Variants in VWA8 observed in about 807,000 individuals in gnomAD.
The protein encoded by VWA8 is von Willebrand factor A domain containing 8.
In VWA8, 221 loss-of-function variants were observed where a neutral mutation model predicts 241.5. The ratio of observed to expected loss-of-function variants is 0.91; its 90% CI spans 0.82 to 1.02. The LOEUF is 1.02. Ranked by LOEUF, VWA8 falls within the 50% of genes least tolerant of loss-of-function variation. The pLI, the probability that VWA8 is intolerant of heterozygous loss-of-function variation, is 0.00. For missense variants in VWA8, 2,322 were observed against 2,328.7 expected, an observed-to-expected ratio of 1.00 and a Z score of 0.06; for synonymous variants, 852 against 827.1, an observed-to-expected ratio of 1.03 and a Z score of -0.52.
In VWA8 at chr13:41,729,599, T is replaced by A; in HGVS notation, c.2581A>T (p.Lys861Ter). The change falls in exon 23 of 45, where the codon AAA (lysine) becomes TAA (stop). Residue 861 changes from lysine (K) to a stop codon, truncating the protein, a stop_gained. Coordinates refer to ENST00000379310, the MANE Select transcript of VWA8 (RefSeq NM_015058.2). LOFTEE classifies it high-confidence loss of function. Reference sequence around the variant, plus strand: ...ATTTCTCCATTTTCTACTAGAGTTTTTAAAATACACGTGACATTTGTTGGA... The same window carrying A: ...ATTTCTCCATTTTCTACTAGAGTTTATAAAATACACGTGACATTTGTTGGA... Reference protein sequence around the residue: ...KAPTNVTCILKTLVENGEMIL... With the variant: ...KAPTNVTCIL The A allele has an allele frequency of 6.2e-7, 1 of 1,613,328 alleles. No individual in the cohort carries two copies. Among genetic ancestry groups the A allele is most frequent in the Non-Finnish European group, 8.5e-7 (1 of 1,179,554 alleles).
intron 37 of VWA8, among the ~76,000 whole-genome samples, chr13:41,669,054 A>G (rs12863698): frequency 0.019 from 2,922 of 152,022 alleles, 33 homozygotes; most frequent in South Asian, 0.058. Context: ...TGCAACCTCC[A>G]CCTCCCAGGT....
intron 41 of VWA8, among the ~76,000 whole-genome samples, chr13:41,589,125 T>G (rs1192292579): frequency 6.6e-6 from 1 of 152,180 alleles, no homozygotes; most frequent in Non-Finnish European, 1.5e-5. Context: ...CAGCTCTCAG[T>G]GGCGACTCAG....
At position 41,703,407 on chromosome 13, in the gene VWA8, T is replaced by A; in HGVS notation, c.3121A>T (p.Thr1041Ser). Residue 1041 changes from threonine (T) to serine (S), a missense_variant, in exon 27 of 45, where the codon ACT becomes TCT. Transcript: ENST00000379310. ...CCCATGAACGTTTGTTCTGGCAGAGTCAACCTGTTAAGGATGATTTGCAAA... is the reference window on the plus strand; with the variant it reads ...CCCATGAACGTTTGTTCTGGCAGAGACAACCTGTTAAGGATGATTTGCAAA... ...PTSVQLAKEL[T>S]LPEQTFMGYW... is the part of the protein sequence containing the mutation. 6.2e-7 allele frequency: 1 copy of A among 1,613,876 alleles called. No individual in the cohort carries two copies. The highest frequency in any genetic ancestry group is 1.1e-5 in the South Asian group (1 of 91,070).
intron 12 of VWA8, among the ~76,000 whole-genome samples, chr13:41,863,640 C>G (rs1453712976): frequency 2.6e-5 from 4 of 151,382 alleles, no homozygotes; most frequent in African/African-American, 9.7e-5. Context: ...AACCATGCAG[C>G]CATAAAAAGG....
chr13:41,622,139 A>G (rs1211380711), intron 37 of VWA8, among the ~76,000 whole-genome samples: 1 of 152,174 alleles, frequency 6.6e-6, no homozygotes, highest in Admixed American at 6.5e-5. Flanking sequence ...GGTGGATGGG[A>G]GGAGTACATA....
intron 37 of VWA8, among the ~76,000 whole-genome samples, chr13:41,625,545 C>G (rs2139670257): frequency 6.6e-6 from 1 of 152,286 alleles, no homozygotes; most frequent in South Asian, 2.1e-4. Context: ...CCATCTCACA[C>G]CAGTTAGAAT....
chr13:41,623,909 T>G (rs1277219851), intron 37 of VWA8, among the ~76,000 whole-genome samples: 1 of 152,008 alleles, frequency 6.6e-6, no homozygotes, highest in African/African-American at 2.4e-5. Context: ...TAAAATAAGA[T>G]TGATAGATGG....
At chr13:41,841,750 A>G (rs1191134040) in intron 12 of VWA8, among the ~76,000 whole-genome samples, 2 of 124,680 alleles carry the variant, frequency 1.6e-5, no homozygotes, top group African/African-American at 6.1e-5. Context: ...GCGCCACTGC[A>G]CTCCACCCTG....
In VWA8 at chr13:41,665,652, TCA is replaced by T. The variant is rs556973798; in HGVS notation, c.4611+5292_4611+5293del. On this transcript the variant is annotated intron_variant, in intron 37 of 44. Coordinates refer to ENST00000379310, the MANE Select transcript of VWA8 (RefSeq NM_015058.2). ...GTAACAGTTCTAGAGTCATTGACTG[TCA>T]ACCTATTAATTGCATTTCACATTCA... Among the ~76,000 whole-genome samples the T allele has an allele frequency of 4.2e-4, 64 of 152,200 alleles. No homozygotes were observed. The South Asian group carries it at 0.012, about 30-fold the overall frequency.
chr13:41,644,343 A>C (rs1239819750), intron 37 of VWA8, among the ~76,000 whole-genome samples: 1 of 152,204 alleles, frequency 6.6e-6, no homozygotes, highest in Non-Finnish European at 1.5e-5. Flanking sequence ...AGGATAATTA[A>C]ATATATATTT....
rs7990143 is a variant in VWA8 at position 41,627,455 on chromosome 13, G to A, written c.4612-12371C>T. Reference sequence around the variant, plus strand: ...CCAGGAGGAAGAGTCAAGCAGGTTCGCTAGGGCCGCTCAGGGAGAGAGAAC... The same window carrying A: ...CCAGGAGGAAGAGTCAAGCAGGTTCACTAGGGCCGCTCAGGGAGAGAGAAC... On this transcript the variant is annotated intron_variant, in intron 37 of 44. Coordinates refer to ENST00000379310, the MANE Select transcript of VWA8 (RefSeq NM_015058.2). 8.5e-3 allele frequency among the ~76,000 whole-genome samples: 1,299 copies of A among 152,238 alleles called. 10 individuals carry two copies. The highest frequency in any genetic ancestry group is 0.018 in the African/African-American group (736 of 41,534).
At chr13:41,711,668 A>T (rs1327872785) in intron 26 of VWA8, among the ~76,000 whole-genome samples, 2 of 152,106 alleles carry the variant, frequency 1.3e-5, no homozygotes, top group Non-Finnish European at 2.9e-5. Context: ...AGGTCAGGAG[A>T]TCGAGACCAT....
chr13:41,910,266 G>T (rs999331822), intron 3 of VWA8, among the ~76,000 whole-genome samples: 2 of 152,118 alleles, frequency 1.3e-5, no homozygotes, highest in Admixed American at 1.3e-4. Flanking sequence ...TGTGGTCTTT[G>T]AAATAAGCAA....
At chr13:41,920,963 C>T (rs1018481434) in intron 2 of VWA8, among the ~76,000 whole-genome samples, 1 of 152,166 alleles carries the variant, frequency 6.6e-6, no homozygotes, top group African/African-American at 2.4e-5. Flanking sequence ...GATACCAAAG[C>T]CTGGCAGAGA....
chr13:41,706,189 G>C (rs549917944), intron 26 of VWA8, among the ~76,000 whole-genome samples: 1 of 152,088 alleles, frequency 6.6e-6, no homozygotes, highest in African/African-American at 2.4e-5. Context: ...ACAATGCCAG[G>C]CATGTTCATA....
chr13:41,929,051 A>T (rs1217076862), intron 2 of VWA8, among the ~76,000 whole-genome samples: 1 of 152,110 alleles, frequency 6.6e-6, no homozygotes, highest in African/African-American at 2.4e-5. Context: ...GATAGAAAAA[A>T]CAATCCTAAA....
At chr13:41,712,096 A>T (rs1055670549) in intron 26 of VWA8, among the ~76,000 whole-genome samples, 3 of 152,092 alleles carry the variant, frequency 2.0e-5, no homozygotes, top group Middle Eastern at 3.2e-3. Flanking sequence ...GGGAAGGTTG[A>T]GTGGGTGGGA....
intron 2 of VWA8, among the ~76,000 whole-genome samples, chr13:41,944,853 C>A (rs919791774): frequency 3.3e-5 from 5 of 152,198 alleles, no homozygotes; most frequent in African/African-American, 1.2e-4. Flanking sequence ...TGTTTAACAT[C>A]ACAGCTGCCT....
intron 27 of VWA8, among the ~76,000 whole-genome samples, chr13:41,702,123 T>C (rs1421804878): frequency 1.3e-5 from 2 of 152,212 alleles, no homozygotes; most frequent in Admixed American, 1.3e-4. Context: ...AGGAGCTAAT[T>C]TAATAATGTT....
Sources: allele counts gnomAD v4.1 joint callset (sites outside exome capture counted in the v4.1 genomes callset), GRCh38; gene constraint gnomAD v4.1.1; transcripts MANE v1.5; gene names NCBI Gene and HGNC (gene_info 2026-07-23, HGNC 2026-07-21).